Variants in BDH1 observed in about 807,000 individuals in gnomAD.
BDH1 encodes 3-hydroxybutyrate dehydrogenase 1.
BDH1 carries 30 observed loss-of-function variants against 33.1 expected under a neutral mutation model. The observed-to-expected ratio is 0.91, with a 90% CI of 0.68 to 1.23. The LOEUF is 1.23. Among genes scored for constraint, BDH1 ranks in the 50% most tolerant of loss-of-function variants. The probability of loss-of-function intolerance (pLI) is 0.00; values close to 1 mark genes in which losing one functional copy is unlikely to be tolerated. For missense variants in BDH1, 443 were observed against 464.4 expected, an observed-to-expected ratio of 0.95 and a Z score of 0.42; for synonymous variants, 190 against 183.6, an observed-to-expected ratio of 1.03 and a Z score of -0.28.
intron 2 of BDH1, among the ~76,000 whole-genome samples, chr3:197,553,813 T>C (rs1250933575): frequency 4.6e-5 from 7 of 152,220 alleles, no homozygotes; most frequent in Admixed American, 4.6e-4. Flanking sequence ...TGGCTTTATA[T>C]TGAAGGTAGA....
chr3:197,513,059 A>AGGCAGG lies in BDH1; in HGVS notation c.563-701_563-696dup, dbSNP rs1351178463. 3.9e-5 allele frequency among the ~76,000 whole-genome samples: 6 copies of AGGCAGG among 152,286 alleles called. No individual in the cohort carries two copies. The East Asian group carries it at 9.7e-4, about 25-fold the overall frequency. On this transcript the variant is annotated intron_variant, in intron 7 of 7. Coordinates refer to ENST00000392379, the MANE Select transcript of BDH1 (RefSeq NM_203314.3). ...AGGACCGCCTGGCAAACAGAGCAGC[A>AGGCAGG]GGCAGGGGCAGGGGCAGGATTTCTG...
At position 197,511,123 on chromosome 3, in the gene BDH1, A is replaced by G. The variant is rs1489022982; in HGVS notation, c.*772T>C. 1 of 152,380 alleles carries G rather than the reference A, an allele frequency of 6.6e-6. No individual in the cohort carries two copies. Among genetic ancestry groups the G allele is most frequent in the African/African-American group, 2.4e-5 (1 of 41,456 alleles). 9.4% of individuals were successfully genotyped at this position (152,380 alleles called of 1,614,324 possible). On this transcript the variant is annotated 3_prime_UTR_variant, in exon 8 of 8. Coordinates refer to ENST00000392379, the MANE Select transcript of BDH1 (RefSeq NM_203314.3). ...GTGCCTATAACCCCAGCTACTTGGA[A>G]GGCTGAGGCAGGAGAACCGCTTGAA... is the stretch of plus-strand genomic sequence containing the variant.
At chr3:197,559,850 G>A (rs558473616), upstream of BDH1, among the ~76,000 whole-genome samples, 19 of 152,302 alleles carry the variant, frequency 1.2e-4, no homozygotes, top group Middle Eastern at 3.4e-3. Context: ...ACCTTCTACC[G>A]TTCTGGTTGT....
At chr3:197,563,251 G>C (rs147375694) in intron 1 of BDH1, among the ~76,000 whole-genome samples, 100 of 152,268 alleles carry the variant, frequency 6.6e-4, no homozygotes, top group African/African-American at 2.4e-3. Context: ...CTTTCACTTT[G>C]TACCTTACGA....
intron 1 of BDH1, among the ~76,000 whole-genome samples, chr3:197,567,521 G>A (rs901855372): frequency 1.3e-5 from 2 of 152,130 alleles, no homozygotes; most frequent in Non-Finnish European, 2.9e-5. Flanking sequence ...ACCTTTCTGG[G>A]CCAAACCAAT....
Position 197,528,446 on chromosome 3 carries a change from G to A in BDH1, c.267+3966C>T, listed in dbSNP as rs531154752. ...AAAGGCAATGAGATATGAGAGATAA[G>A]AGGAACACTAATTCTGAACAAGAGC... is the stretch of plus-strand genomic sequence containing the variant. On this transcript the variant is annotated intron_variant, in intron 5 of 7. Coordinates refer to ENST00000392379, the MANE Select transcript of BDH1 (RefSeq NM_203314.3). This position sits in a 1 kb window ranked among gnomAD's most constrained non-coding sequence, Gnocchi z 5.1. The A allele has an allele frequency of 6.6e-6, 1 of 152,236 alleles. No homozygotes were observed. The highest frequency in any genetic ancestry group is 6.5e-5 in the Admixed American group (1 of 15,294). 9.4% of individuals were successfully genotyped at this position (152,236 alleles called of 1,614,324 possible).
At chr3:197,524,779 A>C (rs1033175160) in intron 5 of BDH1, among the ~76,000 whole-genome samples, 8 of 152,012 alleles carry the variant, frequency 5.3e-5, no homozygotes, top group African/African-American at 1.9e-4. Context: ...GGTGTGGGAA[A>C]GGTGGTACAG....
At chr3:197,572,986 C>G (rs1032912700) in intron 1 of BDH1, among the ~76,000 whole-genome samples, 1 of 152,206 alleles carries the variant, frequency 6.6e-6, no homozygotes, top group African/African-American at 2.4e-5. Flanking sequence ...AGGGACAGAG[C>G]CTGCTATTTC....
At chr3:197,513,607 A>C (rs1034395713) in intron 7 of BDH1, among the ~76,000 whole-genome samples, 1 of 152,172 alleles carries the variant, frequency 6.6e-6, no homozygotes, top group Non-Finnish European at 1.5e-5. Context: ...TCTAAATTTG[A>C]AGTCACTGAA....
chr3:197,517,569 C>T (rs1332417268), intron 6 of BDH1, among the ~76,000 whole-genome samples: 1 of 22,188 alleles, frequency 4.5e-5, no homozygotes, highest in Non-Finnish European at 9.5e-5. Flanking sequence ...GCCGACCCCC[C>T]CATCAGTCAC....
At chr3:197,561,604 G>C (rs1344315398) in intron 1 of BDH1, among the ~76,000 whole-genome samples, 2 of 152,152 alleles carry the variant, frequency 1.3e-5, no homozygotes, top group African/African-American at 2.4e-5. Flanking sequence ...TTTACCATTA[G>C]AGTGCTCAGT....
At chr3:197,558,491 C>T (rs144180465), upstream of BDH1, among the ~76,000 whole-genome samples, 37 of 152,262 alleles carry the variant, frequency 2.4e-4, no homozygotes, top group Admixed American at 2.0e-4. Flanking sequence ...CGAATACACC[C>T]TTGGATGCCA....
rs750811753 is a variant in BDH1 at position 197,553,527 on chromosome 3, CAAAA to C, written c.-44+1031_-44+1034del. 6.6e-3 allele frequency among the ~76,000 whole-genome samples: 642 copies of C among 97,076 alleles called. 6 individuals carry two copies. The highest frequency in any genetic ancestry group is 0.022 in the African/African-American group (566 of 25,968). The allele number at this position is 97,076 out of a possible 152,430, so 63.7% of individuals were successfully genotyped here. On this transcript the variant is annotated intron_variant, in intron 2 of 7. Transcript: ENST00000392379. The stretch of plus-strand genomic sequence containing the variant: ...CTGGCAACAGAGCAAGACTCTGTCT[CAAAA>C]AAAAAAAAAAAAAAAGAAGAGTTTT...
At chr3:197,551,157 TATTC>T (rs1267295344) in intron 2 of BDH1, among the ~76,000 whole-genome samples, 1 of 152,180 alleles carries the variant, frequency 6.6e-6, no homozygotes, top group Non-Finnish European at 1.5e-5. Context: ...TACTAGTTCT[TATTC>T]ATTCTCTTTA....
At chr3:197,545,436 G>T (rs981032582) in intron 3 of BDH1, among the ~76,000 whole-genome samples, 2 of 152,274 alleles carry the variant, frequency 1.3e-5, no homozygotes, top group African/African-American at 4.8e-5. Context: ...GCTGAGAAAA[G>T]CACCGCTTCA....
chr3:197,555,248 CGGA>C (rs371377701), intron 1 of BDH1: 98 of 154,648 alleles, frequency 6.3e-4, no homozygotes, highest in Middle Eastern at 2.9e-3. Context: ...CGGAGGACCC[CGGA>C]GGAGGAGGAG....
intron 2 of BDH1, among the ~76,000 whole-genome samples, chr3:197,552,274 C>T (rs1285997543): frequency 6.6e-6 from 1 of 152,186 alleles, no homozygotes; most frequent in African/African-American, 2.4e-5. Flanking sequence ...CCGCTACCAG[C>T]CTAGTCCAAG....
At chr3:197,532,608 G>T in intron 4 of BDH1, 86 bp from the exon 5 acceptor site, 1 of 957,802 alleles carries the variant, frequency 1.0e-6, no homozygotes, top group Non-Finnish European at 1.7e-6. Flanking sequence ...TGCAGTGAGA[G>T]TTAGTGCTTC....
upstream of BDH1, among the ~76,000 whole-genome samples, chr3:197,560,897 A>G (rs949737503): frequency 3.4e-4 from 51 of 152,108 alleles, 1 homozygote; most frequent in African/African-American, 1.2e-3. Context: ...TCTCTCACCT[A>G]CTTGTGACCT....
Sources: allele counts gnomAD v4.1 joint callset (sites outside exome capture counted in the v4.1 genomes callset), GRCh38; gene constraint gnomAD v4.1.1; non-coding constraint Gnocchi (gnomAD v3.1); transcripts MANE v1.5; gene names NCBI Gene and HGNC (gene_info 2026-07-23, HGNC 2026-07-21).